The following GCNA variants were observed in gnomAD, a reference collection of about 807,000 sequenced individuals.
GCNA encodes germ cell nuclear acidic protein.
A neutral mutation model predicts 38.8 loss-of-function variants in GCNA; 3 were observed. The observed-to-expected ratio is 0.08, with a 90% CI of 0.04 to 0.20. GCNA has a LOEUF of 0.20. GCNA is among the 10% of genes least tolerant of loss of function. The pLI, the probability that GCNA is intolerant of heterozygous loss-of-function variation, is 1.00. For synonymous variants in GCNA, 195 were observed against 240.2 expected, an observed-to-expected ratio of 0.81 and a Z score of 1.74; for missense variants, 446 against 578.6, an observed-to-expected ratio of 0.77 and a Z score of 2.35.
In GCNA at chrX:71,609,036, T is replaced by G. The variant is rs774495476; in HGVS notation, c.1530T>G (p.Ser510=). Residue 510 remains serine (S), a synonymous_variant, in exon 10 of 13, where the codon TCT becomes TCG. Transcript: ENST00000373696. ...ACCTTGAAAAGTCAAAGAAATACTC[T>G]GGAAAAAATTTAAAGCGAAATAAGG... ...LQDLEKSKKY[S]GKNLKRNKDE... 1.4e-5 allele frequency: 17 copies of G among 1,209,728 alleles called. No homozygotes were observed. Among genetic ancestry groups the G allele is most frequent in the Admixed American group, 4.4e-5 (2 of 45,757 alleles).
At chrX:71,595,559 G>A (rs931474795) in intron 6 of GCNA, among the ~76,000 whole-genome samples, 1 of 111,470 alleles carries the variant, frequency 9.0e-6, no homozygotes, top group Admixed American at 9.6e-5. Flanking sequence ...AATATTTAAC[G>A]CCTTCTGTGA....
chrX:71,586,167 C>T (rs2040584601), intron 2 of GCNA, among the ~76,000 whole-genome samples: 2 of 107,316 alleles, frequency 1.9e-5, no homozygotes, highest in South Asian at 4.2e-4. Context: ...AACTGAGGCC[C>T]AAGAACTTGG....
chrX:71,604,300 G>A lies in GCNA; in HGVS notation c.1023G>A (p.Leu341=). 1 of 1,212,419 alleles carries A rather than the reference G, an allele frequency of 8.2e-7. No homozygotes were observed. The highest frequency in any genetic ancestry group is 1.8e-5 in the South Asian group (1 of 57,030). Residue 341 remains leucine (L), a synonymous_variant, in exon 8 of 13, where the codon TTG becomes TTA. Transcript: ENST00000373696. ...DLEVPVPAED[L]CNEGQIASDE... is the part of the protein sequence containing the mutation. ...AAGTTCCTGTGCCAGCAGAAGATTT[G>A]TGTAATGAAGGCCAAATTGCTTCAG...
chrX:71,605,031 C>T lies in GCNA; in HGVS notation c.1399+355C>T, dbSNP rs984087762. Among the ~76,000 whole-genome samples the T allele has an allele frequency of 2.7e-5, 3 of 111,981 alleles. 1 individual carries two copies. The South Asian group carries it at 1.1e-3, about 42-fold the overall frequency. On this transcript the variant is annotated intron_variant, in intron 8 of 12. Coordinates refer to ENST00000373696, the MANE Select transcript of GCNA (RefSeq NM_052957.5). ...CTCCTGGGTTACCAAAGTTCTAGAG[C>T]CCATCTCTACCAAAGCACTAGTCAC...
rs761224579 is a variant in GCNA at position 71,612,928 on chromosome X, G to A, written c.2022G>A (p.Leu674=). 9 of 1,211,731 alleles carry A rather than the reference G, an allele frequency of 7.4e-6. No homozygotes were observed. Among genetic ancestry groups the A allele is most frequent in the South Asian group, 3.5e-5 (2 of 56,992 alleles). The change falls in exon 13 of 13, where the codon CTG becomes CTA. Residue 674 remains leucine, a synonymous_variant. Coordinates refer to ENST00000373696, the MANE Select transcript of GCNA (RefSeq NM_052957.5). ...TCTGTGCCAAATGCAAGGGGTCTCT[G>A]GTCATGGTGCCATTAACTCAGAAAG... ...RFICAKCKGS[L]VMVPLTQKDG...
chrX:71,601,605 C>T (rs752012075), intron 7 of GCNA, among the ~76,000 whole-genome samples: 28 of 109,269 alleles, frequency 2.6e-4, no homozygotes, highest in African/African-American at 7.7e-4. Flanking sequence ...AGTGCAGTGG[C>T]GCAATCTCGG....
At chrX:71,605,994 G>A (rs2040766831) in intron 9 of GCNA, among the ~76,000 whole-genome samples, 1 of 112,637 alleles carries the variant, frequency 8.9e-6, no homozygotes, top group African/African-American at 3.2e-5. Flanking sequence ...TGGGTGGAGG[G>A]GGCCTTTCTG....
chrX:71,584,220 A>T (rs1448055519), intron 2 of GCNA, among the ~76,000 whole-genome samples: 1 of 111,156 alleles, frequency 9.0e-6, no homozygotes, highest in Non-Finnish European at 1.9e-5. Flanking sequence ...GAAGCCAATT[A>T]AATGCCCAAA....
In GCNA at chrX:71,604,208, G is replaced by C; in HGVS notation, c.931G>C (p.Asp311His). Residue 311 changes from aspartate (D) to histidine (H), a missense_variant, in exon 8 of 13, where the codon GAT (aspartate) becomes CAT (histidine). Physicochemically the swap from Asp to His is moderately conservative, Grantham distance 81. Coordinates refer to ENST00000373696, the MANE Select transcript of GCNA (RefSeq NM_052957.5). ...GGAAGCTCCCGACGACAAGAGTGAT[G>C]ATTCGGATGTTCCCGAAGACAAGAG... ...DSEAPDDKSD[D>H]SDVPEDKSDD... 1 of 1,212,693 alleles carries C rather than the reference G, an allele frequency of 8.2e-7. No homozygotes were observed.
intron 6 of GCNA, among the ~76,000 whole-genome samples, chrX:71,596,187 G>C (rs1433778236): frequency 1.8e-5 from 2 of 111,721 alleles, no homozygotes; most frequent in Admixed American, 1.9e-4. Flanking sequence ...CTGCACCCCA[G>C]CCTGGGTGGG....
chrX:71,603,595 T>G lies in GCNA; in HGVS notation c.318T>G (p.Ser106Arg), dbSNP rs759140018. The change falls in exon 8 of 13, where the codon AGT becomes AGG. Residue 106 changes from serine (S) to arginine (R), a missense_variant. Transcript: ENST00000373696. The stretch of plus-strand genomic sequence containing the variant: ...GTGTCTCTTGAATTTCAGATGAGAG[T>G]CCGGAGTGTTGTCATGTGAAGCCTG... ...KLLEINSDDE[S>R]PECCHVKPAI... 2.5e-6 allele frequency: 3 copies of G among 1,207,462 alleles called. No individual in the cohort carries two copies. Among genetic ancestry groups the G allele is most frequent in the South Asian group, 1.8e-5 (1 of 56,291 alleles).
intron 10 of GCNA, 52 bp from the exon 11 acceptor site, chrX:71,610,629 A>C: frequency 1.7e-6 from 2 of 1,181,537 alleles, no homozygotes; most frequent in Non-Finnish European, 2.3e-6. Context: ...ACAAAAAAAC[A>C]AAAAAACCCA....
At chrX:71,599,797 A>G (rs943186359) in intron 7 of GCNA, among the ~76,000 whole-genome samples, 2 of 111,939 alleles carry the variant, frequency 1.8e-5, no homozygotes, top group African/African-American at 6.5e-5. Flanking sequence ...TACTTTTTCT[A>G]ATTTTTAATT....
chrX:71,593,455 C>T (rs1284232747), intron 4 of GCNA, among the ~76,000 whole-genome samples: 11 of 111,862 alleles, frequency 9.8e-5, no homozygotes, highest in Admixed American at 7.6e-4. Flanking sequence ...TGAAGGGTTC[C>T]GAGCAGGAAG....
chrX:71,587,184 A>G (rs1252174975), intron 2 of GCNA, among the ~76,000 whole-genome samples: 1 of 110,268 alleles, frequency 9.1e-6, no homozygotes, highest in Non-Finnish European at 1.9e-5. Flanking sequence ...TGTTAGTGAT[A>G]GAGAAGGCGG....
At chrX:71,596,886 G>A (rs1330016926) in intron 6 of GCNA, among the ~76,000 whole-genome samples, 1 of 112,104 alleles carries the variant, frequency 8.9e-6, no homozygotes, top group East Asian at 2.8e-4. Flanking sequence ...CGGTAAGGCC[G>A]TACCTCTGCA....
intron 9 of GCNA, 86 bp downstream of exon 9, chrX:71,605,815 G>A (rs1481686115): frequency 4.7e-5 from 38 of 803,880 alleles, no homozygotes; most frequent in Non-Finnish European, 6.8e-5. Flanking sequence ...GGTGGGGGTG[G>A]TCTGCAAGGG....
At position 71,579,370 on chromosome X, in the gene GCNA, C is replaced by T. The variant is rs1401733420; in HGVS notation, c.-3+848C>T. Among the ~76,000 whole-genome samples, 8 of 45,660 alleles carry T rather than the reference C, an allele frequency of 1.8e-4. No individual in the cohort carries two copies. In the Admixed American group the frequency reaches 1.9e-3, roughly 11 times the overall value. The allele number at this position is 45,660 out of a possible 115,157, so 39.7% of individuals were successfully genotyped here. A position where few individuals can be genotyped will look rare whatever the true frequency, so the allele number is the denominator to read the frequency against. Reference sequence around the variant, plus strand: ...GCGGTGTGGGGAGAAGTGGAGGCGCCGGTGGCCGCATTGAAGGTGGGGGTG... The same window carrying T: ...GCGGTGTGGGGAGAAGTGGAGGCGCTGGTGGCCGCATTGAAGGTGGGGGTG... On this transcript the variant is annotated intron_variant, in intron 1 of 12. Coordinates refer to ENST00000373696, the MANE Select transcript of GCNA (RefSeq NM_052957.5).
chrX:71,613,026 A>G lies in GCNA; in HGVS notation c.*44A>G, dbSNP rs2040825555. On this transcript the variant is annotated 3_prime_UTR_variant, in exon 13 of 13. Coordinates refer to ENST00000373696, the MANE Select transcript of GCNA (RefSeq NM_052957.5). ...CAGAAGTATTATAGAAAAATTATGC[A>G]GGAGATGGCTAGGATTAGCCTTGGG... 1 of 1,203,051 alleles carries G rather than the reference A, an allele frequency of 8.3e-7. No homozygotes were observed. The highest frequency in any genetic ancestry group is 3.0e-5 in the East Asian group (1 of 33,717).
Sources: allele counts gnomAD v4.1 joint callset (sites outside exome capture counted in the v4.1 genomes callset), GRCh38; gene constraint gnomAD v4.1.1; transcripts MANE v1.5; gene names NCBI Gene and HGNC (gene_info 2026-07-23, HGNC 2026-07-21).